The following MYO3A variants were observed in gnomAD, a reference collection of about 807,000 sequenced individuals.
MYO3A encodes the protein myosin-IIIa.
Under a neutral mutation model 192.7 loss-of-function variants are expected in MYO3A, and 180 were observed. The ratio of observed to expected loss-of-function variants is 0.93; its 90% CI spans 0.83 to 1.06. The LOEUF is 1.06. MYO3A is among the 50% of genes least tolerant of loss of function. The probability of loss-of-function intolerance (pLI) is 0.00; values close to 1 mark genes in which losing one functional copy is unlikely to be tolerated. For synonymous variants in MYO3A, 628 were observed against 645.3 expected (o/e 0.97, Z 0.41); for missense variants, 1,896 against 1,905.0 (o/e 1.00, Z 0.09).
chr10:26,060,024 A>C (rs71492525), intron 10 of MYO3A, among the ~76,000 whole-genome samples: 1 of 151,420 alleles, frequency 6.6e-6, no homozygotes, highest in South Asian at 2.1e-4. Context: ...TTGGGAGGCC[A>C]AGGCGGGCGG....
chr10:26,116,196 G>A (rs1447677792), intron 17 of MYO3A, among the ~76,000 whole-genome samples: 1 of 152,190 alleles, frequency 6.6e-6, no homozygotes, highest in Admixed American at 6.5e-5. Context: ...GAGGCTCAAA[G>A]TCTGAGATTA....
chr10:26,195,483 T>A (rs1843364433), intron 32 of MYO3A, among the ~76,000 whole-genome samples: 1 of 152,138 alleles, frequency 6.6e-6, no homozygotes, highest in African/African-American at 2.4e-5. Context: ...AATTATACTA[T>A]CCTCCCATTG....
intron 32 of MYO3A, among the ~76,000 whole-genome samples, chr10:26,195,573 C>T (rs1271319006): frequency 3.3e-5 from 5 of 152,196 alleles, no homozygotes; most frequent in African/African-American, 1.2e-4. Context: ...TTTCCAGCCT[C>T]TGTGCTTGAT....
chr10:26,062,530 A>AAAAAAAAAAACG (rs1554816581), intron 10 of MYO3A, among the ~76,000 whole-genome samples: 3 of 126,002 alleles, frequency 2.4e-5, no homozygotes, highest in Non-Finnish European at 3.4e-5. Flanking sequence ...AAAAAAAAAA[A>AAAAAAAAAAACG]AAATTATGGA....
At chr10:26,210,966 T>C (rs968494432) in intron 34 of MYO3A, among the ~76,000 whole-genome samples, 6 of 146,088 alleles carry the variant, frequency 4.1e-5, no homozygotes, top group Non-Finnish European at 7.4e-5. Flanking sequence ...CTGTATCAAA[T>C]TGCCTGTACA....
At chr10:26,096,285 G>A in intron 15 of MYO3A, 96 bp from the exon 16 acceptor site, 1 of 887,652 alleles carries the variant, frequency 1.1e-6, no homozygotes, top group Non-Finnish European at 1.8e-6. Flanking sequence ...GCCCATATCA[G>A]CACTCACAGT....
chr10:26,141,641 T>G (rs1020473496), intron 20 of MYO3A, among the ~76,000 whole-genome samples: 1 of 152,230 alleles, frequency 6.6e-6, no homozygotes, highest in African/African-American at 2.4e-5. Flanking sequence ...CCATTTAAAT[T>G]GTAATATGCT....
chr10:26,075,635 CATATATGATATATATGTCTCTCATAT>C (rs1564523731), intron 14 of MYO3A, among the ~76,000 whole-genome samples: 4 of 144,166 alleles, frequency 2.8e-5, no homozygotes, highest in African/African-American at 1.0e-4. Flanking sequence ...ATATGTCTCT[CATATATGATATATATGTCTCTCATAT>C]ATATATGATA....
intron 7 of MYO3A, among the ~76,000 whole-genome samples, chr10:26,019,528 G>A (rs960041855): frequency 3.3e-5 from 5 of 152,152 alleles, no homozygotes; most frequent in African/African-American, 1.2e-4. Context: ...ATGTTAGCCA[G>A]GATGGTCTCG....
intron 34 of MYO3A, among the ~76,000 whole-genome samples, chr10:26,211,373 C>T (rs547434593): frequency 6.6e-6 from 1 of 152,316 alleles, no homozygotes; most frequent in Admixed American, 6.5e-5. Context: ...CTTGGTGTCA[C>T]TAACAGAGCA....
intron 31 of MYO3A, among the ~76,000 whole-genome samples, chr10:26,192,791 T>C (rs1230870141): frequency 1.3e-5 from 2 of 151,970 alleles, no homozygotes; most frequent in Non-Finnish European, 2.9e-5. Flanking sequence ...GTAGCTGGGA[T>C]TACGGGTGCC....
chr10:26,173,883 G>A lies in MYO3A; in HGVS notation c.3619G>A (p.Val1207Ile). 1.2e-6 allele frequency: 2 copies of A among 1,614,016 alleles called. No homozygotes were observed. The highest frequency in any genetic ancestry group is 2.2e-5 in the East Asian group (1 of 44,882). The change falls in exon 30 of 35, where the codon GTA (valine) becomes ATA (isoleucine). Residue 1207 changes from valine (V) to isoleucine (I), a missense_variant. Physicochemically the swap from Val to Ile is conservative, Grantham distance 29 (BLOSUM62 3). Transcript: ENST00000642920. Reference sequence around the variant, plus strand: ...AGAGGTTAAGCAAGAATTCTACCTTGTAGGGCCAGAAGTAAGCCCCAAACA... The same window carrying A: ...AGAGGTTAAGCAAGAATTCTACCTTATAGGGCCAGAAGTAAGCCCCAAACA... ...EEEVKQEFYL[V>I]GPEVSPKQKS... is the part of the protein sequence containing the mutation.
At chr10:25,966,157 C>T (rs1159410024) in intron 4 of MYO3A, among the ~76,000 whole-genome samples, 1 of 152,088 alleles carries the variant, frequency 6.6e-6, no homozygotes, top group Non-Finnish European at 1.5e-5. Flanking sequence ...TGCCCCCGCT[C>T]CCTGGTTTCT....
chr10:25,943,595 T>G (rs1360351432), intron 2 of MYO3A, among the ~76,000 whole-genome samples: 1 of 152,144 alleles, frequency 6.6e-6, no homozygotes, highest in African/African-American at 2.4e-5. Context: ...TTTCATCTCC[T>G]TGGTTAAGTT....
chr10:26,056,748 T>G (rs943797381), intron 10 of MYO3A, among the ~76,000 whole-genome samples: 4 of 152,338 alleles, frequency 2.6e-5, no homozygotes, highest in Admixed American at 2.0e-4. Context: ...CTAGTATTTA[T>G]CTCATTGACA....
At position 26,154,843 on chromosome 10, in the gene MYO3A, T is replaced by C. The variant is rs760118436; in HGVS notation, c.2793+20T>C. ...TTTAGAGTAAGATATTAAACTATGATGTATTGTGCTTAGGGGTGCTATTTA... is the reference window on the plus strand; with the variant it reads ...TTTAGAGTAAGATATTAAACTATGACGTATTGTGCTTAGGGGTGCTATTTA... On this transcript the variant is annotated intron_variant, in intron 25 of 34. Transcript: ENST00000642920. 12 of 1,593,660 alleles carry C rather than the reference T, an allele frequency of 7.5e-6. No homozygotes were observed. In the South Asian group the frequency reaches 1.1e-4, roughly 15 times the overall value.
At chr10:25,996,655 A>T (rs1840459368) in intron 5 of MYO3A, 61 bp downstream of exon 5, 4 of 1,385,058 alleles carry the variant, frequency 2.9e-6, no homozygotes, top group Non-Finnish European at 4.1e-6. Context: ...AAAAATGTAG[A>T]TCCTATTTTT....
At chr10:26,184,767 T>A (rs1316839978) in intron 31 of MYO3A, among the ~76,000 whole-genome samples, 2 of 152,174 alleles carry the variant, frequency 1.3e-5, no homozygotes, top group Non-Finnish European at 2.9e-5. Flanking sequence ...AAGCTAATAT[T>A]TACCACGCAC....
intron 10 of MYO3A, among the ~76,000 whole-genome samples, chr10:26,063,281 A>T (rs1488523610): frequency 6.6e-6 from 1 of 152,216 alleles, no homozygotes; most frequent in Non-Finnish European, 1.5e-5. Context: ...AAACTTGCAC[A>T]GTGCAGATGT....
Sources: allele counts gnomAD v4.1 joint callset (sites outside exome capture counted in the v4.1 genomes callset), GRCh38; gene constraint gnomAD v4.1.1; transcripts MANE v1.5; gene names NCBI Gene and HGNC (gene_info 2026-07-23, HGNC 2026-07-21).